CTC1: variants seen among roughly 807,000 people sequenced by gnomAD.
CTC1 encodes CST telomere replication complex component 1.
Under a neutral mutation model 136.3 loss-of-function variants are expected in CTC1, and 91 were observed. That is an observed-to-expected ratio of 0.67 (90% CI 0.56 to 0.79). The LOEUF is 0.79. Ranked by LOEUF, CTC1 falls within the 30% of genes least tolerant of loss-of-function variation. The probability of loss-of-function intolerance (pLI) is 0.00; values close to 1 mark genes in which losing one functional copy is unlikely to be tolerated. For synonymous variants in CTC1, 606 were observed against 613.8 expected (o/e 0.99, Z 0.19); for missense variants, 1,432 against 1,498.1 (o/e 0.96, Z 0.73).
At chr17:8,231,503 T>C (rs1323323166) in intron 14 of CTC1, 34 bp from the exon 15 acceptor site, 2 of 1,563,022 alleles carry the variant, frequency 1.3e-6, no homozygotes, top group East Asian at 2.3e-5. Flanking sequence ...TGCCTGTGAG[T>C]GTGTGCTAGT....
At chr17:8,235,709 C>T in intron 7 of CTC1, 122 bp downstream of exon 7, 1 of 1,069,938 alleles carries the variant, frequency 9.3e-7, no homozygotes. Flanking sequence ...GCAAAAGTGC[C>T]CCCTAACACA....
chr17:8,243,185 T>C (rs776792408), intron 1 of CTC1, 37 bp from the exon 2 acceptor site: 16 of 1,584,432 alleles, frequency 1.0e-5, no homozygotes, highest in Non-Finnish European at 1.4e-5. Flanking sequence ...ATCTTGACTA[T>C]CCGGCCCACC....
intron 1 of CTC1, among the ~76,000 whole-genome samples, chr17:8,245,000 A>T: frequency 6.6e-6 from 1 of 152,222 alleles, no homozygotes; most frequent in East Asian, 1.9e-4. Flanking sequence ...CTGCTACAAC[A>T]TGGATGCAGT....
rs1555534628 is a variant in CTC1 at position 8,236,209 on chromosome 17, A to C, written c.926T>G (p.Leu309Arg). Residue 309 changes from leucine to arginine, a missense_variant, in exon 6 of 23, where the codon CTG becomes CGG. Coordinates refer to ENST00000651323, the MANE Select transcript of CTC1 (RefSeq NM_025099.6). ...WMTSQSSRLL[L>R]LKPECVQELE... Reference sequence around the variant, plus strand: ...CTCCTGCACACATTCTGGTTTCAGCAGCAACAGACGGGAGGACTGACTGGT... The same window carrying C: ...CTCCTGCACACATTCTGGTTTCAGCCGCAACAGACGGGAGGACTGACTGGT... 6.2e-7 allele frequency: 1 copy of C among 1,614,226 alleles called. No homozygotes were observed. Among genetic ancestry groups the C allele is most frequent in the Non-Finnish European group, 8.5e-7 (1 of 1,180,048 alleles).
At chr17:8,245,321 A>G (rs1988587074) in intron 1 of CTC1, among the ~76,000 whole-genome samples, 1 of 152,164 alleles carries the variant, frequency 6.6e-6, no homozygotes, top group African/African-American at 2.4e-5. Context: ...AAAGTCTTCA[A>G]GTTCTAGATG....
intron 10 of CTC1, chr17:8,233,464 T>C (rs867584772): frequency 5.7e-5 from 9 of 156,700 alleles, no homozygotes; most frequent in Non-Finnish European, 1.1e-4. Flanking sequence ...TCTCTAAAAA[T>C]TAAAAAGTGT....
Position 8,227,975 on chromosome 17 carries a change from A to G in CTC1, c.*205T>C. ...GTGCCTTGTCCCAATCAGAGGACAT[A>G]TTAATAGGGCCATGATTTCCTGTTG... is the stretch of plus-strand genomic sequence containing the variant. On this transcript the variant is annotated 3_prime_UTR_variant, in exon 23 of 23. Transcript: ENST00000651323. 6 of 549,396 alleles carry G rather than the reference A, an allele frequency of 1.1e-5. No individual in the cohort carries two copies. The South Asian group carries it at 1.2e-4, about 11-fold the overall frequency. The allele number at this position is 549,396 out of a possible 1,614,324, so 34.0% of individuals were successfully genotyped here.
At chr17:8,237,871 C>A (rs1341100249) in intron 4 of CTC1, among the ~76,000 whole-genome samples, 160 bp downstream of exon 4, 1 of 151,968 alleles carries the variant, frequency 6.6e-6, no homozygotes, top group Non-Finnish European at 1.5e-5. Flanking sequence ...CTTGAACAAC[C>A]CTTCTCTTTA....
chr17:8,245,475 G>A lies in CTC1; in HGVS notation c.34-2327C>T, dbSNP rs138757699. Among the ~76,000 whole-genome samples, 571 of 151,976 alleles carry A rather than the reference G, an allele frequency of 3.8e-3. 5 individuals are homozygous for A. Among genetic ancestry groups the A allele is most frequent in the Non-Finnish European group, 2.1e-3 (144 of 67,976 alleles). On this transcript the variant is annotated intron_variant, in intron 1 of 22. Transcript: ENST00000651323. Reference sequence around the variant, plus strand: ...GTATAAGCAAAGTTCCGACTCTCACGCTTTTTGTCTTCCTCTCCCAGTATT... The same window carrying A: ...GTATAAGCAAAGTTCCGACTCTCACACTTTTTGTCTTCCTCTCCCAGTATT...
intron 1 of CTC1, among the ~76,000 whole-genome samples, chr17:8,246,907 AAC>A (rs145222612): frequency 0.16 from 24,061 of 149,734 alleles, 2,265 homozygotes; most frequent in Non-Finnish European, 0.23. Flanking sequence ...TCCGTCTCAA[AAC>A]ACACACACAC....
chr17:8,245,741 C>T (rs905447576), intron 1 of CTC1, among the ~76,000 whole-genome samples: 1 of 152,028 alleles, frequency 6.6e-6, no homozygotes, highest in Non-Finnish European at 1.5e-5. Flanking sequence ...CACTACTAGT[C>T]TGGGCAACAA....
intron 1 of CTC1, among the ~76,000 whole-genome samples, chr17:8,246,432 G>C (rs1393036499): frequency 6.6e-6 from 1 of 152,104 alleles, no homozygotes; most frequent in East Asian, 1.9e-4. Context: ...CAATCCACAG[G>C]CAGCACACAT....
chr17:8,238,985 G>C (rs1380053536), intron 2 of CTC1, among the ~76,000 whole-genome samples: 2 of 151,644 alleles, frequency 1.3e-5, no homozygotes, highest in Non-Finnish European at 2.9e-5. Context: ...CCAGTTTCTT[G>C]GGATGCTGAG....
intron 2 of CTC1, among the ~76,000 whole-genome samples, chr17:8,240,433 C>T (rs367789176): frequency 7.4e-5 from 11 of 148,488 alleles, no homozygotes; most frequent in East Asian, 2.0e-4. Flanking sequence ...GGATTACAGG[C>T]GTGAGCCATC....
intron 7 of CTC1, 51 bp downstream of exon 7, chr17:8,235,780 T>G: frequency 6.5e-7 from 1 of 1,536,134 alleles, no homozygotes; most frequent in Non-Finnish European, 8.8e-7. Flanking sequence ...CCTATGAAGG[T>G]AAGAGAAGCT....
chr17:8,247,180 G>A (rs1302355573), intron 1 of CTC1, among the ~76,000 whole-genome samples: 1 of 150,906 alleles, frequency 6.6e-6, no homozygotes, highest in Admixed American at 6.6e-5. Context: ...TTAGCAAGAG[G>A]TACAAAACTG....
At chr17:8,243,173 A>C (rs928627984) in intron 1 of CTC1, 25 bp from the exon 2 acceptor site, 2 of 1,602,702 alleles carry the variant, frequency 1.2e-6, no homozygotes, top group African/African-American at 2.7e-5. Flanking sequence ...TTTAGTTAAA[A>C]CATCTTGACT....
Position 8,232,133 on chromosome 17 carries a change from G to A in CTC1, c.2155C>T (p.Pro719Ser). The A allele has an allele frequency of 1.3e-6, 2 of 1,529,002 alleles. No homozygotes were observed. The highest frequency in any genetic ancestry group is 1.3e-5 in the South Asian group (1 of 75,934). 94.7% of individuals were successfully genotyped at this position (1,529,002 alleles called of 1,614,324 possible). The change falls in exon 13 of 23, where the codon CCC becomes TCC. Residue 719 changes from proline to serine, a missense_variant. Coordinates refer to ENST00000651323, the MANE Select transcript of CTC1 (RefSeq NM_025099.6). The part of the protein sequence containing the change: ...SATPSTPQTD[P>S]TGPEGPHLGQ... ...AGGTGGGGTCCCTCTGGGCCGGTGGGATCTGTCTGAGGTGTTGAGGGTGTT... is the reference window on the plus strand; with the variant it reads ...AGGTGGGGTCCCTCTGGGCCGGTGGAATCTGTCTGAGGTGTTGAGGGTGTT...
chr17:8,230,304 T>C lies in CTC1; in HGVS notation c.2923A>G (p.Arg975Gly), dbSNP rs199473678. ...ARVHFSQLEK[R>G]VSRSHNVYCC... ...ACTACACATCTTCACCTGGAAACCC[T>C]TTTCTCCAACTGGCTGAAGTGGACC... The change falls in exon 17 of 23, where the codon AGG (arginine) becomes GGG (glycine). Residue 975 changes from arginine (R) to glycine (G), a missense_variant. Transcript: ENST00000651323. 51 of 1,611,172 alleles carry C rather than the reference T, an allele frequency of 3.2e-5. No homozygotes were observed. Among genetic ancestry groups the C allele is most frequent in the Non-Finnish European group, 4.1e-5 (48 of 1,179,026 alleles).
Sources: gnomAD v4.1 joint callset for allele counts (sites outside exome capture counted in the v4.1 genomes callset) on GRCh38, gnomAD v4.1.1 for gene constraint, MANE v1.5 for transcripts, NCBI Gene and HGNC (gene_info 2026-07-23, HGNC 2026-07-21) for gene names.